BTD: variants seen among roughly 807,000 people sequenced by gnomAD.
BTD encodes the protein biotinidase.
BTD carries 13 observed loss-of-function variants against 17.7 expected under a neutral mutation model. The observed-to-expected ratio is 0.74, with a 90% CI of 0.48 to 1.17. The LOEUF (loss-of-function observed/expected upper bound fraction) is 1.17, where lower values mean the gene tolerates loss of function less well. Ranked by LOEUF, BTD falls within the 50% of genes most tolerant of loss-of-function variation. The pLI, the probability that BTD is intolerant of heterozygous loss-of-function variation, is 0.00. For synonymous variants in BTD, 240 were observed against 245.2 expected (o/e 0.98, Z 0.20); for missense variants, 674 against 650.4 (o/e 1.04, Z -0.39).
At chr3:15,627,149 C>T (rs934341099) in intron 1 of BTD, among the ~76,000 whole-genome samples, 1 of 152,210 alleles carries the variant, frequency 6.6e-6, no homozygotes, top group Non-Finnish European at 1.5e-5. Flanking sequence ...CCGAACACCC[C>T]TGAGCAGCCA....
downstream of BTD, chr3:15,713,691 C>G (rs2072623964): frequency 8.4e-7 from 1 of 1,187,254 alleles, no homozygotes; most frequent in African/African-American, 1.6e-5. Context: ...AAGATCAGGT[C>G]AAACGTACTA....
At position 15,685,362 on chromosome 3, in the gene BTD, C is replaced by T. The variant is rs201296458; in HGVS notation, c.400-24698C>T. 209 of 1,613,996 alleles carry T rather than the reference C, an allele frequency of 1.3e-4. No individual in the cohort carries two copies. The African/African-American group carries it at 2.4e-3, about 18-fold the overall frequency. On this transcript the variant is annotated intron_variant, in intron 3 of 3. Transcript: ENST00000672141. ...CACAGGCAGCAGACAGGTGTATAGG[C>T]GTCCGGCCCCTGCTATCCCGAAGTA... is the stretch of plus-strand genomic sequence containing the variant.
intron 1 of BTD, 52 bp downstream of exon 1, chr3:15,601,946 T>C: frequency 1.2e-6 from 2 of 1,600,160 alleles, no homozygotes; most frequent in South Asian, 1.1e-5. Flanking sequence ...GGGCGTGCGG[T>C]CCAGACCCCG....
chr3:15,673,949 G>A (rs2066640313), intron 3 of BTD, among the ~76,000 whole-genome samples: 4 of 152,066 alleles, frequency 2.6e-5, no homozygotes, highest in African/African-American at 9.6e-5. Context: ...GCTGAGGTGG[G>A]GGGATTGCTT....
chr3:15,631,585 A>C (rs2065206860), intron 1 of BTD: 2 of 1,143,942 alleles, frequency 1.7e-6, no homozygotes, highest in Non-Finnish European at 2.5e-6. Flanking sequence ...ATTGAGACTG[A>C]TTTTTCCTAT....
exon 4 of BTD, among the ~76,000 whole-genome samples, chr3:15,710,494 A>G (rs1216684493): frequency 6.6e-6 from 1 of 152,078 alleles, no homozygotes; most frequent in Non-Finnish European, 1.5e-5. Context: ...CATCTCTACA[A>G]CTTAGACTGT....
At position 15,645,832 on chromosome 3, in the gene BTD, TG is replaced by T. The variant is rs1427846460; in HGVS notation, c.*348del. The T allele has an allele frequency of 0.019, 3,728 of 199,932 alleles. 144 individuals are homozygous for T. The highest frequency in any genetic ancestry group is 0.081 in the African/African-American group (3,376 of 41,524). 12.4% of individuals were successfully genotyped at this position (199,932 alleles called of 1,614,324 possible). A position where few individuals can be genotyped will look rare whatever the true frequency, so the allele number is the denominator to read the frequency against. ...TTTACACATCCACAAAGCAGTGGCT[TG>T]GGGTTTTTTTTTTTTTTTTTATCTT... is the stretch of plus-strand genomic sequence containing the variant. On this transcript the variant is annotated 3_prime_UTR_variant, in exon 4 of 4. Transcript: ENST00000643237.
intron 1 of BTD, among the ~76,000 whole-genome samples, chr3:15,604,661 G>A (rs1187937125): frequency 6.6e-6 from 1 of 152,152 alleles, no homozygotes; most frequent in Non-Finnish European, 1.5e-5. Context: ...TTTCAAATTT[G>A]TATGCTCTGC....
chr3:15,634,353 C>T (rs2065289982), intron 1 of BTD, among the ~76,000 whole-genome samples: 1 of 152,106 alleles, frequency 6.6e-6, no homozygotes, highest in Non-Finnish European at 1.5e-5. Flanking sequence ...GTTGTTCAGC[C>T]CCAGGACATC....
At position 15,635,302 on chromosome 3, in the gene BTD, T is replaced by C; in HGVS notation, c.-16-122T>C. 1 of 1,448,928 alleles carries C rather than the reference T, an allele frequency of 6.9e-7. No homozygotes were observed. Among genetic ancestry groups the C allele is most frequent in the Non-Finnish European group, 9.6e-7 (1 of 1,040,700 alleles). The allele number at this position is 1,448,928 out of a possible 1,614,324, so 89.8% of individuals were successfully genotyped here. ...TATTAGGAACATGAAACAAACTCTT[T>C]GAGCCGCAGTATCACTGCGAGTGAG... On this transcript the variant is annotated intron_variant, in intron 1 of 3. Transcript: ENST00000643237. This position sits in a 1 kb window ranked among gnomAD's most constrained non-coding sequence, Gnocchi z 4.1.
intron 3 of BTD, chr3:15,676,084 T>C (rs1270767605): frequency 4.0e-6 from 4 of 1,008,624 alleles, no homozygotes; most frequent in Non-Finnish European, 4.3e-6. Context: ...TGTCAACTTG[T>C]GAAGACCAAG....
chr3:15,694,530 T>C (rs2069256235), intron 3 of BTD, among the ~76,000 whole-genome samples: 1 of 151,986 alleles, frequency 6.6e-6, no homozygotes, highest in South Asian at 2.1e-4. Context: ...TTTTTTTTTT[T>C]TCTAAAGCAA....
chr3:15,712,985 G>A (rs2072521861), downstream of BTD, among the ~76,000 whole-genome samples: 1 of 152,166 alleles, frequency 6.6e-6, no homozygotes, highest in Admixed American at 6.5e-5. Flanking sequence ...TTTAAGTATG[G>A]TGTTTCTTGC....
chr3:15,685,981 A>G (rs144141033), intron 3 of BTD: 8 of 1,595,178 alleles, frequency 5.0e-6, no homozygotes, highest in Non-Finnish European at 6.9e-6. Context: ...TTTTGAAAGG[A>G]AAGAGCATAT....
chr3:15,672,054 T>C (rs999740950), intron 3 of BTD, among the ~76,000 whole-genome samples: 3 of 152,194 alleles, frequency 2.0e-5, no homozygotes, highest in African/African-American at 7.2e-5. Flanking sequence ...TATACTATGG[T>C]TTAGTTATAC....
At chr3:15,612,317 C>T (rs1212208524) in intron 1 of BTD, among the ~76,000 whole-genome samples, 1 of 151,924 alleles carries the variant, frequency 6.6e-6, no homozygotes, top group Non-Finnish European at 1.5e-5. Flanking sequence ...AATAATAGTC[C>T]CTGAGTTCTT....
chr3:15,656,960 G>A (rs556761905), downstream of BTD, among the ~76,000 whole-genome samples: 12 of 152,286 alleles, frequency 7.9e-5, no homozygotes, highest in South Asian at 1.0e-3. Context: ...CTTTCTGGCC[G>A]GAGTGGTGGG....
At chr3:15,658,311 C>G (rs543863427), downstream of BTD, among the ~76,000 whole-genome samples, 1 of 152,206 alleles carries the variant, frequency 6.6e-6, no homozygotes, top group African/African-American at 2.4e-5. Flanking sequence ...CCCTGTTCTG[C>G]GTGGAACATG....
chr3:15,691,093 G>GT (rs1266471675), intron 3 of BTD, among the ~76,000 whole-genome samples: 1 of 151,256 alleles, frequency 6.6e-6, no homozygotes, highest in African/African-American at 2.4e-5. Context: ...CTGTACAAAA[G>GT]TAAGACTGAA....
Sources: gnomAD v4.1 joint callset for allele counts (sites outside exome capture counted in the v4.1 genomes callset) on GRCh38, gnomAD v4.1.1 for gene constraint, Gnocchi (gnomAD v3.1) non-coding constraint, MANE v1.5 for transcripts, NCBI Gene and HGNC (gene_info 2026-07-23, HGNC 2026-07-21) for gene names.